The following ALDH1A2 variants were observed in gnomAD, a reference collection of about 807,000 sequenced individuals.
ALDH1A2 encodes retinal dehydrogenase 2.
A neutral mutation model predicts 60.3 loss-of-function variants in ALDH1A2; 27 were observed. The observed-to-expected ratio is 0.45, with a 90% CI of 0.33 to 0.62. ALDH1A2 has a LOEUF of 0.62. Among genes scored for constraint, ALDH1A2 ranks in the 20% least tolerant of loss-of-function variants. The pLI, the probability that ALDH1A2 is intolerant of heterozygous loss-of-function variation, is 0.02. For synonymous variants in ALDH1A2, 289 were observed against 232.4 expected, an observed-to-expected ratio of 1.24 and a Z score of -2.21; for missense variants, 581 against 643.8, an observed-to-expected ratio of 0.90 and a Z score of 1.06.
At chr15:57,965,654 A>G in intron 8 of ALDH1A2, 71 bp downstream of exon 8, 3 of 1,119,218 alleles carry the variant, frequency 2.7e-6, no homozygotes, top group Admixed American at 1.7e-5. Flanking sequence ...TGTCCCATCA[A>G]AAGTGGAGAT....
chr15:58,047,673 T>C (rs1321424174), intron 1 of ALDH1A2, among the ~76,000 whole-genome samples: 1 of 152,002 alleles, frequency 6.6e-6, no homozygotes, highest in Non-Finnish European at 1.5e-5. Context: ...AGAGTCTACC[T>C]ATACAGAGTA....
chr15:58,031,838 T>C (rs1896249104), intron 1 of ALDH1A2, among the ~76,000 whole-genome samples: 1 of 152,118 alleles, frequency 6.6e-6, no homozygotes, highest in Admixed American at 6.5e-5. Context: ...TGGCGATGAT[T>C]AAAAAGTCAG....
intron 1 of ALDH1A2, among the ~76,000 whole-genome samples, chr15:58,043,485 A>G (rs1360582669): frequency 6.6e-6 from 1 of 152,016 alleles, no homozygotes; most frequent in Non-Finnish European, 1.5e-5. Flanking sequence ...TAAAGAGTGT[A>G]TGTTAACATT....
At chr15:58,012,865 A>G (rs371653579) in intron 3 of ALDH1A2, among the ~76,000 whole-genome samples, 8 of 152,210 alleles carry the variant, frequency 5.3e-5, no homozygotes, top group African/African-American at 1.9e-4. Context: ...GAAAGGATAT[A>G]GTACTCATGG....
At chr15:57,991,343 C>T (rs1894890379) in intron 7 of ALDH1A2, 1 of 152,108 alleles carries the variant, frequency 6.6e-6, no homozygotes, top group African/African-American at 2.4e-5. Flanking sequence ...ATTACAATAA[C>T]AAATACAACT....
At chr15:57,998,043 T>C (rs1178783622) in intron 4 of ALDH1A2, among the ~76,000 whole-genome samples, 1 of 152,028 alleles carries the variant, frequency 6.6e-6, no homozygotes, top group Non-Finnish European at 1.5e-5. Flanking sequence ...TGATGGAACA[T>C]ACCTCAAAAT....
intron 1 of ALDH1A2, among the ~76,000 whole-genome samples, chr15:58,027,577 A>T (rs1251472016): frequency 6.6e-6 from 1 of 152,172 alleles, no homozygotes; most frequent in Non-Finnish European, 1.5e-5. Flanking sequence ...TAGGCTTCAG[A>T]AGGTCGGTAA....
intron 4 of ALDH1A2, among the ~76,000 whole-genome samples, chr15:58,009,564 C>T (rs376819066): frequency 1.2e-4 from 18 of 151,076 alleles, no homozygotes; most frequent in African/African-American, 3.6e-4. Context: ...GGTAGAACAC[C>T]TGGCACAGTG....
intron 1 of ALDH1A2, among the ~76,000 whole-genome samples, chr15:58,028,576 T>A (rs1398024241): frequency 1.3e-5 from 2 of 152,190 alleles, no homozygotes; most frequent in African/African-American, 4.8e-5. Flanking sequence ...GTAAATGGGC[T>A]AAATGCCCTA....
At chr15:57,974,732 C>T (rs1437292792) in intron 7 of ALDH1A2, among the ~76,000 whole-genome samples, 3 of 152,060 alleles carry the variant, frequency 2.0e-5, no homozygotes, top group Admixed American at 6.5e-5. Flanking sequence ...TTCTTAGATA[C>T]CATACCAAAA....
At chr15:58,047,129 G>A (rs1401460185) in intron 1 of ALDH1A2, among the ~76,000 whole-genome samples, 4 of 152,002 alleles carry the variant, frequency 2.6e-5, no homozygotes. Context: ...TAAAGCCTGA[G>A]GAATTCTCAA....
At chr15:57,986,571 C>CAA (rs71116542) in intron 7 of ALDH1A2, among the ~76,000 whole-genome samples, 3,892 of 81,128 alleles carry the variant, frequency 0.048, 73 homozygotes, top group East Asian at 0.12. Context: ...ACAGAAAAGC[C>CAA]AAAAAAAAAA....
At position 57,995,230 on chromosome 15, in the gene ALDH1A2, A is replaced by AAC; in HGVS notation, c.494-92_494-91insGT. 2.6e-6 allele frequency: 2 copies of AAC among 755,748 alleles called. 1 individual carries two copies. Among genetic ancestry groups the AAC allele is most frequent in the Admixed American group, 4.8e-5 (2 of 41,484 alleles). The allele number at this position is 755,748 out of a possible 1,614,324, so 46.8% of individuals were successfully genotyped here. On this transcript the variant is annotated intron_variant, in intron 4 of 12. Transcript: ENST00000249750. ...CTTTGGTGGCTGCAAAAAAAAAAAA[A>AAC]AAAAAACAAACAGAAATAAACTTGA... is the stretch of plus-strand genomic sequence containing the variant.
intron 7 of ALDH1A2, among the ~76,000 whole-genome samples, chr15:57,987,208 C>G (rs777250959): frequency 2.6e-5 from 4 of 151,678 alleles, no homozygotes; most frequent in Non-Finnish European, 5.9e-5. Flanking sequence ...TGACAAATGA[C>G]CTAACATATC....
rs371674631 is a variant in ALDH1A2, at chr15:58,014,293, G to C, written c.118-12C>G. On this transcript the variant is annotated splice_polypyrimidine_tract_variant and intron_variant, in intron 1 of 12. Transcript: ENST00000249750. ...TTGTTTATAAAGATCTAAGGGAGTA[G>C]ATAACAGAATGGGATCTGTGACACA... 1.2e-6 allele frequency: 2 copies of C among 1,605,194 alleles called. No individual in the cohort carries two copies. Among genetic ancestry groups the C allele is most frequent in the African/African-American group, 2.7e-5 (2 of 74,764 alleles).
chr15:57,963,508 T>C lies in ALDH1A2; in HGVS notation c.1086+377A>G, dbSNP rs1371088381. 4.6e-5 allele frequency among the ~76,000 whole-genome samples: 7 copies of C among 150,612 alleles called. No homozygotes were observed. In the East Asian group the frequency reaches 1.2e-3, roughly 25 times the overall value. On this transcript the variant is annotated intron_variant, in intron 9 of 12. Transcript: ENST00000249750. Reference sequence around the variant, plus strand: ...GTACCCGCCACCTCGCCCGGCTAATTTTTTTTTTGTATTTTTAGTAGAGAC... The same window carrying C: ...GTACCCGCCACCTCGCCCGGCTAATCTTTTTTTTGTATTTTTAGTAGAGAC...
intron 1 of ALDH1A2, among the ~76,000 whole-genome samples, chr15:58,042,651 T>C (rs574460638): frequency 2.6e-5 from 4 of 152,100 alleles, no homozygotes; most frequent in South Asian, 2.1e-4. Context: ...ATTTATATTG[T>C]AGGCTTCCTA....
intron 1 of ALDH1A2, among the ~76,000 whole-genome samples, chr15:58,047,272 G>C (rs1265059459): frequency 6.6e-6 from 1 of 151,788 alleles, no homozygotes; most frequent in Non-Finnish European, 1.5e-5. Context: ...CAAATGATTT[G>C]TATTAAACTC....
chr15:57,980,254 G>T, intron 7 of ALDH1A2: 1 of 346,832 alleles, frequency 2.9e-6, no homozygotes, highest in South Asian at 2.7e-5. Flanking sequence ...TCTTAGTCTT[G>T]ACCTTCCCTG....
Sources: allele counts gnomAD v4.1 joint callset (sites outside exome capture counted in the v4.1 genomes callset), GRCh38; gene constraint gnomAD v4.1.1; transcripts MANE v1.5; gene names NCBI Gene and HGNC (gene_info 2026-07-23, HGNC 2026-07-21).